The following SPAG16 variants were observed in gnomAD, a reference collection of about 807,000 sequenced individuals.
The protein encoded by SPAG16 is sperm associated antigen 16.
A neutral mutation model predicts 80.4 loss-of-function variants in SPAG16; 86 were observed. That is an observed-to-expected ratio of 1.07 (90% confidence interval 0.90 to 1.28). SPAG16 has a LOEUF of 1.28. Among genes scored for constraint, SPAG16 ranks in the 50% most tolerant of loss-of-function variants. The pLI is 0.00. For missense variants in SPAG16, 870 were observed against 765.3 expected (o/e 1.14, Z -1.61); for synonymous variants, 294 against 265.9 (o/e 1.11, Z -1.03).
At chr2:213,771,862 T>C (rs1358205009) in intron 10 of SPAG16, among the ~76,000 whole-genome samples, 1 of 152,200 alleles carries the variant, frequency 6.6e-6, no homozygotes, top group Non-Finnish European at 1.5e-5. Flanking sequence ...CCTTGTAATA[T>C]AGTTTGAAGT....
intron 10 of SPAG16, among the ~76,000 whole-genome samples, chr2:213,770,463 ATTTAAT>A (rs1325618671): frequency 2.6e-5 from 4 of 152,124 alleles, no homozygotes; most frequent in Non-Finnish European, 5.9e-5. Context: ...TTTAAATTTA[ATTTAAT>A]TTTAAGTTCC....
chr2:214,114,090 G>C (rs936975628), intron 14 of SPAG16, among the ~76,000 whole-genome samples: 1 of 152,172 alleles, frequency 6.6e-6, no homozygotes, highest in Non-Finnish European at 1.5e-5. Context: ...TCCCTCAGCT[G>C]TAGGTCTGTT....
At chr2:213,933,589 A>C (rs1301247861) in intron 12 of SPAG16, among the ~76,000 whole-genome samples, 1 of 152,218 alleles carries the variant, frequency 6.6e-6, no homozygotes, top group Non-Finnish European at 1.5e-5. Flanking sequence ...ATGTTACTGA[A>C]TGTTGCTATT....
At position 213,335,845 on chromosome 2, in the gene SPAG16, A is replaced by AT. The variant is rs201220836; in HGVS notation, c.537-4313dup. Among the ~76,000 whole-genome samples, 678 of 152,246 alleles carry AT rather than the reference A, an allele frequency of 4.5e-3. 4 individuals are homozygous for AT. Among genetic ancestry groups the AT allele is most frequent in the African/African-American group, 0.015 (619 of 41,526 alleles). On this transcript the variant is annotated intron_variant, in intron 5 of 15. Transcript: ENST00000331683. ...TGGCAGTAAAATAACAGTAGAGGTC[A>AT]TTTTTAAAAAAATAGGGTGTGCTGG...
intron 15 of SPAG16, among the ~76,000 whole-genome samples, chr2:214,233,217 T>A (rs1688821988): frequency 6.6e-6 from 1 of 151,886 alleles, no homozygotes; most frequent in African/African-American, 2.4e-5. Context: ...AGGGTTATCT[T>A]CTGGGGTGTT....
rs151138321 is a variant in SPAG16, at chr2:214,347,349, G to T, written c.1721-62791G>T. Among the ~76,000 whole-genome samples, 15 of 148,908 alleles carry T rather than the reference G, an allele frequency of 1.0e-4. No individual in the cohort carries two copies. The East Asian group carries it at 2.0e-3, about 19-fold the overall frequency. On this transcript the variant is annotated intron_variant, in intron 15 of 15. Transcript: ENST00000331683. ...ATGAACTAAAGAACAAAATATTAGG[G>T]TTTTTTTTTTAGTAGAATTTGGAAA...
chr2:214,056,280 T>TACACACAC (rs60247479), intron 13 of SPAG16, among the ~76,000 whole-genome samples: 76 of 144,668 alleles, frequency 5.3e-4, no homozygotes, highest in African/African-American at 1.3e-3. Context: ...GTAGTAGAAA[T>TACACACAC]ACACACACAC....
intron 14 of SPAG16, among the ~76,000 whole-genome samples, chr2:214,146,829 T>A (rs920971920): frequency 6.6e-6 from 1 of 152,030 alleles, no homozygotes; most frequent in East Asian, 1.9e-4. Flanking sequence ...TGAAACCCCG[T>A]CTCTACTAAA....
At chr2:214,167,209 C>T (rs866344021) in intron 15 of SPAG16, among the ~76,000 whole-genome samples, 2 of 152,246 alleles carry the variant, frequency 1.3e-5, no homozygotes, top group African/African-American at 4.8e-5. Context: ...TCCTCTCTCC[C>T]TCTATGAAAG....
At chr2:213,483,220 C>A (rs1459695983) in intron 9 of SPAG16, among the ~76,000 whole-genome samples, 1 of 152,066 alleles carries the variant, frequency 6.6e-6, no homozygotes, top group Non-Finnish European at 1.5e-5. Flanking sequence ...TTAGGTGTTT[C>A]TAGTCCTTCA....
At chr2:214,053,689 C>T (rs910495985) in intron 13 of SPAG16, among the ~76,000 whole-genome samples, 6 of 152,110 alleles carry the variant, frequency 3.9e-5, no homozygotes, top group East Asian at 1.9e-4. Context: ...AACACAGCTT[C>T]GCCAATGTAA....
At chr2:213,976,050 G>A (rs1019139132) in intron 12 of SPAG16, among the ~76,000 whole-genome samples, 1 of 148,200 alleles carries the variant, frequency 6.7e-6, no homozygotes, top group East Asian at 2.0e-4. Context: ...GCTTCATACA[G>A]CTTCTCATGA....
At chr2:213,377,122 A>T (rs1401505927) in intron 9 of SPAG16, among the ~76,000 whole-genome samples, 1 of 152,282 alleles carries the variant, frequency 6.6e-6, no homozygotes, top group East Asian at 1.9e-4. Context: ...CACTGAGTTG[A>T]TATTTTGCTG....
chr2:213,694,652 T>C (rs2065085032), intron 10 of SPAG16, among the ~76,000 whole-genome samples: 1 of 152,086 alleles, frequency 6.6e-6, no homozygotes, highest in South Asian at 2.1e-4. Flanking sequence ...TACCAGGAAG[T>C]GTTCCATGTC....
chr2:214,389,755 CTAAA>C (rs2126125213), intron 15 of SPAG16, among the ~76,000 whole-genome samples: 1 of 152,326 alleles, frequency 6.6e-6, no homozygotes, highest in East Asian at 1.9e-4. Flanking sequence ...TCCATTTTTA[CTAAA>C]TATTACAAAA....
At chr2:213,554,967 GAT>G (rs941824171) in intron 10 of SPAG16, among the ~76,000 whole-genome samples, 1 of 151,798 alleles carries the variant, frequency 6.6e-6, no homozygotes, top group African/African-American at 2.4e-5. Flanking sequence ...ACCCGAGAAA[GAT>G]AAAAATTATT....
intron 15 of SPAG16, among the ~76,000 whole-genome samples, chr2:214,161,275 A>G (rs1354917245): frequency 1.3e-5 from 2 of 152,106 alleles, no homozygotes; most frequent in African/African-American, 4.8e-5. Flanking sequence ...GTATATATGT[A>G]TCTTTGTAAT....
intron 10 of SPAG16, among the ~76,000 whole-genome samples, chr2:213,520,951 C>T (rs776097880): frequency 6.6e-6 from 1 of 152,114 alleles, no homozygotes; most frequent in Non-Finnish European, 1.5e-5. Context: ...ACTTCCTTGA[C>T]ATTTTTGGGT....
At chr2:213,806,984 A>G (rs2071807471) in intron 10 of SPAG16, among the ~76,000 whole-genome samples, 1 of 152,014 alleles carries the variant, frequency 6.6e-6, no homozygotes, top group Admixed American at 6.6e-5. Context: ...ATCAATTCAC[A>G]TTTTTGTTGT....
Sources: gnomAD v4.1 joint callset for allele counts (sites outside exome capture counted in the v4.1 genomes callset) on GRCh38, gnomAD v4.1.1 for gene constraint, MANE v1.5 for transcripts, NCBI Gene and HGNC (gene_info 2026-07-23, HGNC 2026-07-21) for gene names.